Variants in FYCO1 observed in about 807,000 individuals in gnomAD.
FYCO1 encodes FYVE and coiled-coil domain-containing protein 1.
Under a neutral mutation model 165.1 loss-of-function variants are expected in FYCO1, and 122 were observed. The observed-to-expected ratio is 0.74, with a 90% CI of 0.64 to 0.86. The LOEUF is 0.86. Ranked by LOEUF, FYCO1 falls within the 40% of genes least tolerant of loss-of-function variation. The probability of loss-of-function intolerance (pLI) is 0.00; values close to 1 mark genes in which losing one functional copy is unlikely to be tolerated. For missense variants in FYCO1, 1,702 were observed against 1,810.3 expected (o/e 0.94, Z 1.09); for synonymous variants, 648 against 742.5 (o/e 0.87, Z 2.07).
At chr3:45,953,544 C>T (rs1053436350) in intron 14 of FYCO1, among the ~76,000 whole-genome samples, 1 of 152,200 alleles carries the variant, frequency 6.6e-6, no homozygotes, top group Non-Finnish European at 1.5e-5. Context: ...GTGAAACTCT[C>T]CTTGAAAACC....
chr3:45,942,753 A>G (rs1200849143), intron 14 of FYCO1, among the ~76,000 whole-genome samples: 1 of 152,168 alleles, frequency 6.6e-6, no homozygotes, highest in Non-Finnish European at 1.5e-5. Context: ...ACATCTGGGG[A>G]ATTCCAGGAG....
rs958229022 is a variant in FYCO1, at chr3:45,942,171, C to A, written c.3945-5628G>T. Among the ~76,000 whole-genome samples the A allele has an allele frequency of 4.6e-5, 7 of 152,348 alleles. No individual in the cohort carries two copies. The South Asian group carries it at 8.3e-4, about 18-fold the overall frequency. ...CAGATCTTTTATCAGGGCCCCCTGG[C>A]ACAGCTCCATACTCAGAGCAGGGCA... On this transcript the variant is annotated intron_variant, in intron 14 of 17. Coordinates refer to ENST00000296137, the MANE Select transcript of FYCO1 (RefSeq NM_024513.4).
At chr3:45,932,009 G>A (rs886794879) in intron 15 of FYCO1, among the ~76,000 whole-genome samples, 3 of 152,210 alleles carry the variant, frequency 2.0e-5, no homozygotes, top group Admixed American at 6.5e-5. Context: ...AGAGTGTGAC[G>A]TGAAGAATGT....
rs190763994 is a variant in FYCO1 at position 45,928,872 on chromosome 3, T to C, written c.4251+2199A>G. Among the ~76,000 whole-genome samples, 18 of 152,156 alleles carry C rather than the reference T, an allele frequency of 1.2e-4. No individual in the cohort carries two copies. In the East Asian group the frequency reaches 3.5e-3, roughly 29 times the overall value. On this transcript the variant is annotated intron_variant, in intron 16 of 17. Transcript: ENST00000296137. ...GTGAGCTCCTCAACGGGAGATCCCA[T>C]GTTATCCCTTCATCTTTCTATCCCC...
intron 1 of FYCO1, among the ~76,000 whole-genome samples, chr3:45,990,579 T>C (rs1707512880): frequency 6.6e-6 from 1 of 152,222 alleles, no homozygotes; most frequent in Non-Finnish European, 1.5e-5. Context: ...CACTTGACTG[T>C]AAACTTCGTT....
At position 45,985,355 on chromosome 3, in the gene FYCO1, C is replaced by T. The variant is rs562678957; in HGVS notation, c.-112-333G>A. On this transcript the variant is annotated intron_variant, in intron 1 of 17. Coordinates refer to ENST00000296137, the MANE Select transcript of FYCO1 (RefSeq NM_024513.4). The stretch of plus-strand genomic sequence containing the variant: ...AGCCACCTAGTGGCTCTCTCCATCC[C>T]CTTATACCAAAGGCTACACGGAATC... 1.1e-4 allele frequency among the ~76,000 whole-genome samples: 16 copies of T among 152,320 alleles called. No homozygotes were observed. In the East Asian group the frequency reaches 3.1e-3, roughly 29 times the overall value.
At chr3:45,973,622 G>A (rs970968138) in intron 5 of FYCO1, among the ~76,000 whole-genome samples, 1 of 152,112 alleles carries the variant, frequency 6.6e-6, no homozygotes, top group African/African-American at 2.4e-5. Context: ...GCTAATTTCT[G>A]TCCAGATACC....
chr3:45,930,583 T>A (rs563653261), intron 16 of FYCO1, among the ~76,000 whole-genome samples: 1 of 152,282 alleles, frequency 6.6e-6, no homozygotes, highest in South Asian at 2.1e-4. Flanking sequence ...TCTTAGGAAT[T>A]TATAAACTGG....
chr3:45,928,397 T>G (rs1391727784), intron 16 of FYCO1, among the ~76,000 whole-genome samples: 1 of 152,178 alleles, frequency 6.6e-6, no homozygotes, highest in African/African-American at 2.4e-5. Context: ...ATTCTCCACT[T>G]TGTCCCTGGG....
intron 14 of FYCO1, among the ~76,000 whole-genome samples, chr3:45,951,925 AAG>A (rs1705057150): frequency 6.6e-6 from 1 of 152,220 alleles, no homozygotes; most frequent in Non-Finnish European, 1.5e-5. Flanking sequence ...ACATGTGCGA[AAG>A]AGAGAACATG....
intron 3 of FYCO1, 33 bp downstream of exon 3, chr3:45,981,537 T>C (rs1707055534): frequency 1.5e-6 from 2 of 1,310,116 alleles, no homozygotes; most frequent in Non-Finnish European, 2.2e-6. Context: ...GAGATACCAG[T>C]GCAAAAATCA....
intron 16 of FYCO1, 97 bp downstream of exon 16, chr3:45,930,974 C>T (rs1703575817): frequency 2.7e-6 from 3 of 1,113,232 alleles, no homozygotes; most frequent in Non-Finnish European, 4.0e-6. Flanking sequence ...GCCTGCCCAG[C>T]AGAGGATAGG....
At chr3:45,979,896 G>C in intron 3 of FYCO1, 66 bp from the exon 4 acceptor site, 1 of 1,587,322 alleles carries the variant, frequency 6.3e-7, no homozygotes, top group African/African-American at 1.3e-5. Context: ...GCATTTAAAT[G>C]ATAAATAATA....
At chr3:45,925,823 G>A (rs977744946) in intron 16 of FYCO1, among the ~76,000 whole-genome samples, 1 of 152,212 alleles carries the variant, frequency 6.6e-6, no homozygotes, top group Non-Finnish European at 1.5e-5. Flanking sequence ...CTTGGAAAAA[G>A]TGATGCTGAG....
At chr3:45,954,381 T>G (rs1436439599) in intron 14 of FYCO1, among the ~76,000 whole-genome samples, 2 of 152,140 alleles carry the variant, frequency 1.3e-5, no homozygotes, top group East Asian at 3.9e-4. Flanking sequence ...TGCAGTGTTC[T>G]CCCAACCCCT....
intron 5 of FYCO1, 65 bp downstream of exon 5, chr3:45,975,174 A>G (rs1417570690): frequency 1.4e-5 from 15 of 1,053,038 alleles, no homozygotes; most frequent in Non-Finnish European, 1.5e-6. Flanking sequence ...TGTCATTATT[A>G]TTAATGAACT....
chr3:45,979,669 G>A (rs774332217), intron 4 of FYCO1, 36 bp downstream of exon 4: 2 of 1,612,400 alleles, frequency 1.2e-6, no homozygotes, highest in Admixed American at 3.3e-5. Flanking sequence ...CAGGCAAAAG[G>A]ACGACATGAA....
intron 16 of FYCO1, 77 bp downstream of exon 16, chr3:45,930,993 TG>T: frequency 7.4e-7 from 1 of 1,352,096 alleles, no homozygotes. Flanking sequence ...GGATGGCCAC[TG>T]CCCTGCTTTG....
chr3:45,936,411 A>C lies in FYCO1; in HGVS notation c.4040+37T>G, dbSNP rs187028124. ...AGAGGCCAGTGCTCCTCCCAATGCC[A>C]CACCTGGGGAGGGCCCAGGCAGCAG... On this transcript the variant is annotated intron_variant, in intron 15 of 17. Coordinates refer to ENST00000296137, the MANE Select transcript of FYCO1 (RefSeq NM_024513.4). The C allele has an allele frequency of 4.1e-6, 6 of 1,468,776 alleles. No individual in the cohort carries two copies. In the East Asian group the frequency reaches 1.1e-4, roughly 28 times the overall value. 91.0% of individuals were successfully genotyped at this position (1,468,776 alleles called of 1,614,324 possible). A position where few individuals can be genotyped will look rare whatever the true frequency, so the allele number is the denominator to read the frequency against.
Sources: allele counts gnomAD v4.1 joint callset (sites outside exome capture counted in the v4.1 genomes callset), GRCh38; gene constraint gnomAD v4.1.1; transcripts MANE v1.5; gene names NCBI Gene and HGNC (gene_info 2026-07-23, HGNC 2026-07-21).